Variants in EDARADD observed in about 807,000 individuals in gnomAD.
The protein encoded by EDARADD is EDAR associated via death domain.
EDARADD carries 20 observed loss-of-function variants against 25.6 expected under a neutral mutation model. The ratio of observed to expected loss-of-function variants is 0.78; its 90% confidence interval spans 0.55 to 1.14. The LOEUF is 1.14. Among genes scored for constraint, EDARADD ranks in the 50% most tolerant of loss-of-function variants. The pLI is 0.00. For missense variants in EDARADD, 225 were observed against 270.1 expected, an observed-to-expected ratio of 0.83 and a Z score of 1.17; for synonymous variants, 86 against 94.4, an observed-to-expected ratio of 0.91 and a Z score of 0.52.
At chr1:236,454,559 C>G (rs1394786807) in intron 4 of EDARADD, among the ~76,000 whole-genome samples, 1 of 152,198 alleles carries the variant, frequency 6.6e-6, no homozygotes, top group Non-Finnish European at 1.5e-5. Context: ...CTTTGCTAGT[C>G]TTGACAATTT....
At chr1:236,425,576 T>C (rs187964523) in intron 3 of EDARADD, among the ~76,000 whole-genome samples, 1 of 152,306 alleles carries the variant, frequency 6.6e-6, no homozygotes, top group East Asian at 1.9e-4. Flanking sequence ...ACCAAGCTAG[T>C]TGTATTGCTA....
At chr1:236,401,962 C>T (rs1667619913) in intron 1 of EDARADD, among the ~76,000 whole-genome samples, 1 of 152,014 alleles carries the variant, frequency 6.6e-6, no homozygotes, top group Non-Finnish European at 1.5e-5. Context: ...GTGTATGAAC[C>T]ACTTCTATTT....
In EDARADD at chr1:236,395,813, C is replaced by G. The variant is rs1667505575; in HGVS notation, c.61+1308C>G. On this transcript the variant is annotated intron_variant, in intron 1 of 5. Transcript: ENST00000334232. The surrounding 1 kb of genome is among the most constrained non-coding windows in gnomAD (Gnocchi z 6.9). ...CCACCCCCGACCCAGGCGCCAGACC[C>G]GGAGTCGCACGGGGCTCCCAGTCCA... Among the ~76,000 whole-genome samples, 1 of 151,770 alleles carries G rather than the reference C, an allele frequency of 6.6e-6. No individual in the cohort carries two copies. The highest frequency in any genetic ancestry group is 2.1e-4 in the South Asian group (1 of 4,812).
rs1485786981 is a variant in EDARADD at position 236,483,879 on chromosome 1, A to G, written c.*1230A>G. 7.2e-7 allele frequency: 1 copy of G among 1,382,950 alleles called. No homozygotes were observed. The highest frequency in any genetic ancestry group is 1.0e-6 in the Non-Finnish European group (1 of 971,904). The allele number at this position is 1,382,950 out of a possible 1,614,324, so 85.7% of individuals were successfully genotyped here. ...GATTGGGAAAGCTGGCTACACTGAT[A>G]AGGTGATCGTCAGCATGGACGTAGA... On this transcript the variant is annotated 3_prime_UTR_variant, in exon 6 of 6. Transcript: ENST00000334232.
chr1:236,443,982 C>A (rs1658468726), intron 4 of EDARADD, among the ~76,000 whole-genome samples: 1 of 152,084 alleles, frequency 6.6e-6, no homozygotes. Flanking sequence ...CCATTTCCAC[C>A]CTAATCTTCA....
intron 4 of EDARADD, among the ~76,000 whole-genome samples, chr1:236,450,764 G>T (rs1156735627): frequency 6.6e-6 from 1 of 152,110 alleles, no homozygotes; most frequent in Non-Finnish European, 1.5e-5. Context: ...GGCCAGGTTG[G>T]TCTCAAACTC....
At position 236,484,760 on chromosome 1, in the gene EDARADD, C is replaced by G; in HGVS notation, c.*2111C>G. The G allele has an allele frequency of 3.8e-6, 1 of 260,624 alleles. No individual in the cohort carries two copies. Among genetic ancestry groups the G allele is most frequent in the Non-Finnish European group, 7.5e-6 (1 of 133,566 alleles). The allele number at this position is 260,624 out of a possible 1,614,324, so 16.1% of individuals were successfully genotyped here. A position where few individuals can be genotyped will look rare whatever the true frequency, so the allele number is the denominator to read the frequency against. Reference sequence around the variant, plus strand: ...TACAGAAGCCAAGCTCCCTGGAGCCCTGTTGGCAGCTCTAGCCTTGCAGTC... The same window carrying G: ...TACAGAAGCCAAGCTCCCTGGAGCCGTGTTGGCAGCTCTAGCCTTGCAGTC... On this transcript the variant is annotated 3_prime_UTR_variant, in exon 6 of 6. Transcript: ENST00000334232. The surrounding 1 kb of genome is among the most constrained non-coding windows in gnomAD (Gnocchi z 4.1).
chr1:236,438,437 T>A (rs1298269896), intron 4 of EDARADD, among the ~76,000 whole-genome samples: 1 of 152,076 alleles, frequency 6.6e-6, no homozygotes, highest in Admixed American at 6.5e-5. Context: ...GGGCTGAAGG[T>A]CCATTTCAGA....
At chr1:236,457,616 A>G (rs773771028) in intron 4 of EDARADD, among the ~76,000 whole-genome samples, 1 of 152,134 alleles carries the variant, frequency 6.6e-6, no homozygotes, top group South Asian at 2.1e-4. Context: ...GTCAGGAGAT[A>G]GAGACCATCC....
At chr1:236,372,482 T>A (rs1428250109) in intron 3 of EDARADD, among the ~76,000 whole-genome samples, 1 of 152,190 alleles carries the variant, frequency 6.6e-6, no homozygotes, top group Non-Finnish European at 1.5e-5. Flanking sequence ...AATATTTTGT[T>A]GAGTATTTTT....
chr1:236,417,910 A>G (rs1337793534), intron 3 of EDARADD, among the ~76,000 whole-genome samples: 1 of 151,858 alleles, frequency 6.6e-6, no homozygotes, highest in Non-Finnish European at 1.5e-5. Context: ...TGTATTTAGA[A>G]GTTAAAGAGA....
intron 1 of EDARADD, among the ~76,000 whole-genome samples, chr1:236,408,355 A>C (rs1667774508): frequency 6.6e-6 from 1 of 151,878 alleles, no homozygotes; most frequent in South Asian, 2.1e-4. Context: ...GGTGTGCACC[A>C]CTATGCGAGG....
intron 3 of EDARADD, among the ~76,000 whole-genome samples, chr1:236,365,370 A>C (rs901332010): frequency 6.6e-6 from 1 of 152,178 alleles, no homozygotes; most frequent in Non-Finnish European, 1.5e-5. Context: ...TATGTTGCCC[A>C]GGATGATCTC....
chr1:236,376,509 A>G (rs1667227722), intron 3 of EDARADD, among the ~76,000 whole-genome samples: 2 of 151,906 alleles, frequency 1.3e-5, no homozygotes, highest in Admixed American at 1.3e-4. Flanking sequence ...TCTTGCTTAC[A>G]TGATTTCTGA....
intron 3 of EDARADD, among the ~76,000 whole-genome samples, chr1:236,365,907 C>T (rs1289569432): frequency 6.6e-6 from 1 of 152,102 alleles, no homozygotes; most frequent in African/African-American, 2.4e-5. Flanking sequence ...CCTTTAATTC[C>T]ATCCAGTGTA....
intron 3 of EDARADD, among the ~76,000 whole-genome samples, chr1:236,361,631 A>G (rs1226218152): frequency 6.9e-6 from 1 of 144,916 alleles, no homozygotes; most frequent in Non-Finnish European, 1.5e-5. Flanking sequence ...CGCACAGCCA[A>G]ATTTTATATA....
At chr1:236,353,656 C>A in intron 3 of EDARADD, among the ~76,000 whole-genome samples, 1 of 122,360 alleles carries the variant, frequency 8.2e-6, no homozygotes, top group Admixed American at 1.1e-4. Flanking sequence ...TCAGCCTGGG[C>A]AACAGAGCGA....
At chr1:236,473,337 A>G (rs1173659811) in intron 5 of EDARADD, among the ~76,000 whole-genome samples, 1 of 151,960 alleles carries the variant, frequency 6.6e-6, no homozygotes, top group African/African-American at 2.4e-5. Context: ...GATCTAAGAC[A>G]GGAGGATGCC....
chr1:236,364,455 T>A (rs1667087632), intron 3 of EDARADD, among the ~76,000 whole-genome samples: 1 of 152,226 alleles, frequency 6.6e-6, no homozygotes, highest in African/African-American at 2.4e-5. Context: ...ATTTTGATTA[T>A]AATTACTTTG....
Sources: allele counts gnomAD v4.1 joint callset (sites outside exome capture counted in the v4.1 genomes callset), GRCh38; gene constraint gnomAD v4.1.1; non-coding constraint Gnocchi (gnomAD v3.1); transcripts MANE v1.5; gene names NCBI Gene and HGNC (gene_info 2026-07-23, HGNC 2026-07-21).